The following NRXN1 variants were observed in gnomAD, a reference collection of about 807,000 sequenced individuals.
NRXN1 encodes the protein neurexin-1.
Under a neutral mutation model 150.9 loss-of-function variants are expected in NRXN1, and 39 were observed. The ratio of observed to expected loss-of-function variants is 0.26; its 90% CI spans 0.20 to 0.34. The LOEUF is 0.34. NRXN1 is among the 10% of genes least tolerant of loss of function. The probability of loss-of-function intolerance (pLI) is 1.00; values close to 1 mark genes in which losing one functional copy is unlikely to be tolerated. For synonymous variants in NRXN1, 924 were observed against 757.0 expected (o/e 1.22, Z -3.62); for missense variants, 1,815 against 1,949.9 (o/e 0.93, Z 1.30).
At chr2:49,957,962 A>G (rs1675272801) in intron 21 of NRXN1, among the ~76,000 whole-genome samples, 1 of 152,112 alleles carries the variant, frequency 6.6e-6, no homozygotes, top group South Asian at 2.1e-4. Context: ...CTTATACATA[A>G]CTTGACTTTT....
At chr2:50,861,270 T>C (rs974966147) in intron 5 of NRXN1, among the ~76,000 whole-genome samples, 1 of 151,996 alleles carries the variant, frequency 6.6e-6, no homozygotes, top group Non-Finnish European at 1.5e-5. Flanking sequence ...TGGAGTGCAG[T>C]GAGATGACCA....
chr2:49,997,986 C>T (rs1239001377), intron 21 of NRXN1, among the ~76,000 whole-genome samples: 2 of 152,026 alleles, frequency 1.3e-5, no homozygotes, highest in Non-Finnish European at 2.9e-5. Flanking sequence ...TTATAAAATG[C>T]TGCTGCATTG....
At chr2:50,229,876 T>C (rs1187030376) in intron 18 of NRXN1, among the ~76,000 whole-genome samples, 1 of 152,066 alleles carries the variant, frequency 6.6e-6, no homozygotes, top group Non-Finnish European at 1.5e-5. Flanking sequence ...TCAGAAAGAA[T>C]TCAACAAGAA....
At chr2:50,432,093 A>G (rs371929146) in intron 17 of NRXN1, among the ~76,000 whole-genome samples, 1 of 152,138 alleles carries the variant, frequency 6.6e-6, no homozygotes, top group Non-Finnish European at 1.5e-5. Context: ...TGCGGAGAAG[A>G]CTTCCTAGTT....
rs560560916 is a variant in NRXN1, at chr2:50,865,224, T to C, written c.832+56645A>G. On this transcript the variant is annotated intron_variant, in intron 5 of 22. Coordinates refer to ENST00000401669, the MANE Select transcript of NRXN1 (RefSeq NM_001330078.2). The stretch of plus-strand genomic sequence containing the variant: ...GCAAGAAATATTCAGGTATTATCTT[T>C]CAGCTTGATTACTAGAGGATAAAGG... Among the ~76,000 whole-genome samples, 12 of 152,004 alleles carry C rather than the reference T, an allele frequency of 7.9e-5. No individual in the cohort carries two copies. In the East Asian group the frequency reaches 1.9e-3, roughly 25 times the overall value.
At chr2:50,387,082 AG>A (rs1283444388) in intron 17 of NRXN1, among the ~76,000 whole-genome samples, 5 of 152,164 alleles carry the variant, frequency 3.3e-5, no homozygotes, top group Non-Finnish European at 7.3e-5. Context: ...CTGATCATAT[AG>A]GGTCTGATTC....
At chr2:50,873,290 C>T (rs1325260263) in intron 5 of NRXN1, among the ~76,000 whole-genome samples, 3 of 151,918 alleles carry the variant, frequency 2.0e-5, no homozygotes, top group African/African-American at 4.8e-5. Context: ...AGCAATACCC[C>T]TGTAATATCA....
intron 2 of NRXN1, among the ~76,000 whole-genome samples, chr2:50,945,895 TATATAC>T (rs1215084466): frequency 1.5e-4 from 21 of 143,726 alleles, no homozygotes; most frequent in African/African-American, 4.7e-4. Context: ...TATATATATA[TATATAC>T]ACACACACAC....
At chr2:50,144,524 A>T (rs1707729397) in intron 18 of NRXN1, among the ~76,000 whole-genome samples, 1 of 151,890 alleles carries the variant, frequency 6.6e-6, no homozygotes, top group Non-Finnish European at 1.5e-5. Flanking sequence ...CTCCTAAAAA[A>T]TCACTCATTT....
intron 21 of NRXN1, among the ~76,000 whole-genome samples, chr2:50,028,736 C>T (rs1688750810): frequency 6.6e-6 from 1 of 152,182 alleles, no homozygotes; most frequent in African/African-American, 2.4e-5. Context: ...AAATATCTGT[C>T]CTTAATCTTA....
chr2:50,150,038 AT>A (rs377320007), intron 18 of NRXN1, among the ~76,000 whole-genome samples: 3 of 151,364 alleles, frequency 2.0e-5, no homozygotes, highest in African/African-American at 7.3e-5. Context: ...TATATTTCTT[AT>A]TTTTTTTCCT....
chr2:50,492,392 T>C (rs1287842089), intron 15 of NRXN1, among the ~76,000 whole-genome samples: 5 of 152,150 alleles, frequency 3.3e-5, no homozygotes, highest in East Asian at 3.9e-4. Flanking sequence ...GAGAGAAAGA[T>C]CATTAGATTC....
chr2:50,921,439 C>T (rs1686020847), intron 5 of NRXN1, among the ~76,000 whole-genome samples: 1 of 151,776 alleles, frequency 6.6e-6, no homozygotes. Context: ...CAAGATGATG[C>T]ACCCACAGCA....
intron 17 of NRXN1, among the ~76,000 whole-genome samples, chr2:50,424,170 GA>G (rs1353632544): frequency 2.4e-5 from 2 of 81,750 alleles, no homozygotes; most frequent in African/African-American, 5.2e-5. Flanking sequence ...GGAGGAGGAG[GA>G]GGGGGAGGAG....
At chr2:50,049,091 G>A (rs1200882166) in intron 21 of NRXN1, among the ~76,000 whole-genome samples, 1 of 152,110 alleles carries the variant, frequency 6.6e-6, no homozygotes, top group African/African-American at 2.4e-5. Flanking sequence ...TATGAAGTAT[G>A]CTTTTCTTGC....
intron 17 of NRXN1, among the ~76,000 whole-genome samples, chr2:50,240,375 A>G (rs6732691): frequency 3.3e-5 from 5 of 151,796 alleles, no homozygotes; most frequent in African/African-American, 1.2e-4. Context: ...ACAATTAGAT[A>G]TCCAGTCCTT....
intron 5 of NRXN1, among the ~76,000 whole-genome samples, chr2:50,703,593 G>A (rs879215790): frequency 1.3e-5 from 2 of 152,128 alleles, no homozygotes; most frequent in Admixed American, 1.3e-4. Context: ...TGCCTCAGTA[G>A]AGAAACCCAT....
At chr2:49,948,638 T>C (rs2104432397) in intron 21 of NRXN1, among the ~76,000 whole-genome samples, 1 of 152,106 alleles carries the variant, frequency 6.6e-6, no homozygotes, top group African/African-American at 2.4e-5. Flanking sequence ...CTTTAGAAGC[T>C]GAATTAACTG....
intron 17 of NRXN1, among the ~76,000 whole-genome samples, chr2:50,349,014 T>C (rs1195099285): frequency 2.0e-5 from 3 of 152,160 alleles, no homozygotes; most frequent in South Asian, 2.1e-4. Context: ...CTAACCCAAG[T>C]GGCCATTTAG....
Sources: allele counts gnomAD v4.1 joint callset (sites outside exome capture counted in the v4.1 genomes callset), GRCh38; gene constraint gnomAD v4.1.1; transcripts MANE v1.5; gene names NCBI Gene and HGNC (gene_info 2026-07-23, HGNC 2026-07-21).